PTPRD: variants seen among roughly 807,000 people sequenced by gnomAD.
PTPRD encodes the protein protein tyrosine phosphatase receptor type D.
In PTPRD, 34 loss-of-function variants were observed where a neutral mutation model predicts 214.5. The observed-to-expected ratio is 0.16, with a 90% CI of 0.12 to 0.21. The LOEUF is 0.21. Among genes scored for constraint, PTPRD ranks in the 10% least tolerant of loss-of-function variants. PTPRD has a pLI of 1.00. For missense variants in PTPRD, 2,545 were observed against 2,398.7 expected (o/e 1.06, Z -1.27); for synonymous variants, 1,128 against 845.7 (o/e 1.33, Z -5.79).
chr9:9,044,763 C>T (rs1255651369), intron 10 of PTPRD, among the ~76,000 whole-genome samples: 1 of 150,932 alleles, frequency 6.6e-6, no homozygotes, highest in South Asian at 2.1e-4. Flanking sequence ...AACTTCTTCC[C>T]TTTTACCTTT....
rs73641223 is a variant in PTPRD, at chr9:9,157,072, C to T, written c.-143+26232G>A. On this transcript the variant is annotated intron_variant, in intron 10 of 45. Transcript: ENST00000381196. ...TCTATTAATCTCCACTCTGTGACAG[C>T]ATAAAGAATTAGTGGCCGGAAACAC... is the stretch of plus-strand genomic sequence containing the variant. 2.6e-3 allele frequency among the ~76,000 whole-genome samples: 396 copies of T among 152,226 alleles called. 4 individuals carry two copies. The highest frequency in any genetic ancestry group is 8.8e-3 in the African/African-American group (365 of 41,520).
At chr9:10,442,764 C>G (rs970872986) in intron 2 of PTPRD, among the ~76,000 whole-genome samples, 1 of 151,374 alleles carries the variant, frequency 6.6e-6, no homozygotes, top group African/African-American at 2.4e-5. Flanking sequence ...TAAATGTTGT[C>G]TATAATGATA....
chr9:10,009,391 G>T (rs2096552420), intron 4 of PTPRD, among the ~76,000 whole-genome samples: 1 of 151,964 alleles, frequency 6.6e-6, no homozygotes, highest in Non-Finnish European at 1.5e-5. Flanking sequence ...GTGTGCACGG[G>T]TTCGGTCCAG....
intron 3 of PTPRD, among the ~76,000 whole-genome samples, chr9:10,122,323 C>A (rs375929879): frequency 1.1e-4 from 16 of 152,186 alleles, no homozygotes; most frequent in East Asian, 5.8e-4. Context: ...AAATTAATTT[C>A]TTGCAATTAT....
At chr9:8,825,297 A>G (rs2097153421) in intron 11 of PTPRD, among the ~76,000 whole-genome samples, 1 of 152,350 alleles carries the variant, frequency 6.6e-6, no homozygotes, top group Admixed American at 6.5e-5. Flanking sequence ...AACTTAAAGG[A>G]AAGTACACCA....
chr9:9,171,193 G>A lies in PTPRD; in HGVS notation c.-143+12111C>T, dbSNP rs74418482. On this transcript the variant is annotated intron_variant, in intron 10 of 45. Coordinates refer to ENST00000381196, the MANE Select transcript of PTPRD (RefSeq NM_002839.4). ...TGCTTATCATTGATTCTTGTGGAAC[G>A]GGAAAAGCTAAATGGGGCATTGAGA... 5.3e-3 allele frequency among the ~76,000 whole-genome samples: 810 copies of A among 152,134 alleles called. 8 individuals carry two copies. The highest frequency in any genetic ancestry group is 0.018 in the African/African-American group (753 of 41,522).
chr9:8,317,302 T>C lies in PTPRD; in HGVS notation c.*572A>G, dbSNP rs1029661344. ...AAAATTCACTTTATCGAATGATACA[T>C]TTTGTTAAAAAAAAGTTTACACAGT... On this transcript the variant is annotated 3_prime_UTR_variant, in exon 46 of 46. Coordinates refer to ENST00000381196, the MANE Select transcript of PTPRD (RefSeq NM_002839.4). 1 of 232,252 alleles carries C rather than the reference T, an allele frequency of 4.3e-6. No individual in the cohort carries two copies. Among genetic ancestry groups the C allele is most frequent in the Non-Finnish European group, 8.5e-6 (1 of 117,226 alleles). 14.4% of individuals were successfully genotyped at this position (232,252 alleles called of 1,614,324 possible).
intron 3 of PTPRD, among the ~76,000 whole-genome samples, chr9:10,212,067 G>T (rs977160092): frequency 2.6e-5 from 4 of 152,134 alleles, no homozygotes; most frequent in African/African-American, 9.7e-5. Flanking sequence ...ACAGTAACCA[G>T]TGGAATGACC....
intron 3 of PTPRD, among the ~76,000 whole-genome samples, chr9:10,280,808 T>C (rs996194827): frequency 6.6e-6 from 1 of 151,814 alleles, no homozygotes; most frequent in African/African-American, 2.4e-5. Flanking sequence ...AGAGATGAGG[T>C]TCCACTTTGT....
At chr9:9,239,769 G>C (rs1221223358) in intron 9 of PTPRD, among the ~76,000 whole-genome samples, 1 of 152,302 alleles carries the variant, frequency 6.6e-6, no homozygotes, top group Non-Finnish European at 1.5e-5. Flanking sequence ...CCCTGGCCCA[G>C]TTGTGACTCC....
At chr9:9,326,474 T>C (rs1378455533) in intron 9 of PTPRD, among the ~76,000 whole-genome samples, 1 of 152,064 alleles carries the variant, frequency 6.6e-6, no homozygotes, top group Non-Finnish European at 1.5e-5. Context: ...TCAGAGACAT[T>C]GGCTGATTTT....
At chr9:8,805,268 T>C (rs902926274) in intron 11 of PTPRD, among the ~76,000 whole-genome samples, 1 of 152,190 alleles carries the variant, frequency 6.6e-6, no homozygotes, top group Admixed American at 6.5e-5. Flanking sequence ...TTTGAGTAGC[T>C]CAAGTCCACA....
At chr9:9,868,320 C>A (rs576955334) in intron 5 of PTPRD, among the ~76,000 whole-genome samples, 1 of 151,948 alleles carries the variant, frequency 6.6e-6, no homozygotes, top group Non-Finnish European at 1.5e-5. Flanking sequence ...AGCAATAATA[C>A]AAGTAGAGTA....
intron 2 of PTPRD, among the ~76,000 whole-genome samples, chr9:10,490,666 T>TA (rs1738699613): frequency 6.6e-6 from 1 of 152,172 alleles, no homozygotes; most frequent in Non-Finnish European, 1.5e-5. Context: ...TTATGTAAGT[T>TA]ACAGTTTTCC....
chr9:10,367,047 T>C (rs1280147035), intron 2 of PTPRD, among the ~76,000 whole-genome samples: 3 of 150,320 alleles, frequency 2.0e-5, no homozygotes, highest in Non-Finnish European at 4.4e-5. Flanking sequence ...ACATAGTTTA[T>C]TTTCACAAAA....
chr9:9,636,840 C>T (rs1341288279), intron 7 of PTPRD, among the ~76,000 whole-genome samples: 3 of 152,112 alleles, frequency 2.0e-5, no homozygotes, highest in East Asian at 3.8e-4. Context: ...ATTTGTTTCT[C>T]ATAGTCTTGG....
intron 5 of PTPRD, among the ~76,000 whole-genome samples, chr9:9,861,980 G>T (rs1478574326): frequency 6.6e-6 from 1 of 152,114 alleles, no homozygotes; most frequent in Non-Finnish European, 1.5e-5. Context: ...TTTATTATGA[G>T]TAACAATGTG....
intron 3 of PTPRD, among the ~76,000 whole-genome samples, chr9:10,134,315 G>T (rs2098925832): frequency 6.6e-6 from 1 of 152,176 alleles, no homozygotes; most frequent in Non-Finnish European, 1.5e-5. Flanking sequence ...TGGGGTTAAG[G>T]AAATATGGGT....
In PTPRD at chr9:10,608,012, A is replaced by G. The variant is rs144503535; in HGVS notation, c.-600+4386T>C. Among the ~76,000 whole-genome samples, 1,464 of 152,116 alleles carry G rather than the reference A, an allele frequency of 9.6e-3. 29 individuals carry two copies. The highest frequency in any genetic ancestry group is 0.032 in the African/African-American group (1,346 of 41,540). On this transcript the variant is annotated intron_variant, in intron 2 of 45. Transcript: ENST00000381196. ...CCTCTCTGTGAAACTGGGATATTCA[A>G]CCAACTTTGATATCTTTTATTTTTG...
Sources: gnomAD v4.1 joint callset for allele counts (sites outside exome capture counted in the v4.1 genomes callset) on GRCh38, gnomAD v4.1.1 for gene constraint, MANE v1.5 for transcripts, NCBI Gene and HGNC (gene_info 2026-07-23, HGNC 2026-07-21) for gene names.